The following MYO5A variants were observed in gnomAD, a reference collection of about 807,000 sequenced individuals.
MYO5A encodes the protein myosin VA.
A neutral mutation model predicts 249.7 loss-of-function variants in MYO5A; 98 were observed. That is an observed-to-expected ratio of 0.39 (90% confidence interval 0.33 to 0.46). MYO5A has a LOEUF of 0.46. Among genes scored for constraint, MYO5A ranks in the 20% least tolerant of loss-of-function variants. The pLI, the probability that MYO5A is intolerant of heterozygous loss-of-function variation, is 0.98. For synonymous variants in MYO5A, 778 were observed against 810.6 expected, an observed-to-expected ratio of 0.96 and a Z score of 0.68; for missense variants, 1,696 against 2,308.8, an observed-to-expected ratio of 0.73 and a Z score of 5.44.
chr15:52,340,196 C>T lies in MYO5A; in HGVS notation c.4239G>A (p.Leu1413=). The T allele has an allele frequency of 1.2e-6, 2 of 1,614,118 alleles. No individual in the cohort carries two copies. The highest frequency in any genetic ancestry group is 1.7e-6 in the Non-Finnish European group (2 of 1,180,024). Residue 1413 remains leucine (L), a splice_region_variant and synonymous_variant, in exon 32 of 42, where the codon TTG becomes TTA. Coordinates refer to ENST00000399233, the MANE Select transcript of MYO5A (RefSeq NM_001382347.1). ...HEITRLTNEN[L]YFEELYADDP... The stretch of plus-strand genomic sequence containing the variant: ...ATGTGGACCCGGCAGCTCTCCTTAC[C>T]AAGTTTTCGTTGGTCAGCCGGGTGA...
chr15:52,356,800 C>CTTTTTTTTTT (rs11316458), intron 25 of MYO5A, among the ~76,000 whole-genome samples: 2 of 105,820 alleles, frequency 1.9e-5, no homozygotes, highest in African/African-American at 5.6e-5. Context: ...ATTTCTTTGA[C>CTTTTTTTTTT]TTTTTTTTTT....
At chr15:52,359,189 A>G (rs562524537) in intron 25 of MYO5A, among the ~76,000 whole-genome samples, 9 of 152,368 alleles carry the variant, frequency 5.9e-5, no homozygotes, top group African/African-American at 1.9e-4. Context: ...AAGAAAGGAA[A>G]GAATCACTCA....
chr15:52,316,485 C>T (rs946460103), intron 40 of MYO5A, among the ~76,000 whole-genome samples: 9 of 152,160 alleles, frequency 5.9e-5, no homozygotes, highest in African/African-American at 1.2e-4. Context: ...AGAACCTCTA[C>T]GGTAGAGTCA....
rs115663787 is a variant in MYO5A at position 52,405,213 on chromosome 15, T to C, written c.1053+74A>G. 69 of 1,069,092 alleles carry C rather than the reference T, an allele frequency of 6.5e-5. No individual in the cohort carries two copies. In the African/African-American group the frequency reaches 1.1e-3, roughly 17 times the overall value. The allele number at this position is 1,069,092 out of a possible 1,614,324, so 66.2% of individuals were successfully genotyped here. A position where few individuals can be genotyped will look rare whatever the true frequency, so the allele number is the denominator to read the frequency against. ...TATTGATAGAGAGACTTAAACTATA[T>C]TGCTTCTTTAAACAATCTACAAATC... On this transcript the variant is annotated intron_variant, in intron 9 of 41. Coordinates refer to ENST00000399233, the MANE Select transcript of MYO5A (RefSeq NM_001382347.1).
intron 1 of MYO5A, among the ~76,000 whole-genome samples, chr15:52,452,596 T>TA (rs1182642298): frequency 1.3e-5 from 2 of 152,126 alleles, no homozygotes; most frequent in African/African-American, 4.8e-5. Context: ...GTATATTCCA[T>TA]AATTCCCCTG....
Position 52,389,375 on chromosome 15 carries a change from GA to G in MYO5A, c.1543-13del, listed in dbSNP as rs67583538. On this transcript the variant is annotated splice_polypyrimidine_tract_variant and intron_variant, in intron 12 of 41. Coordinates refer to ENST00000399233, the MANE Select transcript of MYO5A (RefSeq NM_001382347.1). ...GTGCCTTTAGGCATCTATATTCATG[GA>G]AAAAAGGAAGAAAGAAAACAAGGTA... The G allele has an allele frequency of 0.015, 24,276 of 1,606,984 alleles. 1,448 individuals carry two copies. The African/African-American group carries it at 0.17, about 11-fold the overall frequency.
At chr15:52,505,286 C>T in intron 1 of MYO5A, 1 of 776,542 alleles carries the variant, frequency 1.3e-6, no homozygotes, top group Non-Finnish European at 2.4e-6. Context: ...CCATCACAAG[C>T]AGATGTGGCA....
At chr15:52,390,299 G>A (rs574722588) in intron 12 of MYO5A, among the ~76,000 whole-genome samples, 4 of 152,188 alleles carry the variant, frequency 2.6e-5, no homozygotes, top group South Asian at 2.1e-4. Flanking sequence ...AAATGCTTGA[G>A]GGGATGGATA....
At chr15:52,336,701 G>A in intron 33 of MYO5A, 145 bp from the exon 34 acceptor site, 1 of 659,536 alleles carries the variant, frequency 1.5e-6, no homozygotes, top group South Asian at 1.8e-5. Context: ...GGCTAAAATT[G>A]GCAGGCATGG....
At chr15:52,528,911 A>T, upstream of MYO5A, 1 of 1,012,044 alleles carries the variant, frequency 9.9e-7, no homozygotes, top group Non-Finnish European at 1.2e-6. Flanking sequence ...GGCAGGGAGC[A>T]GGGCAGGGCA....
chr15:52,376,326 C>T lies in MYO5A; in HGVS notation c.2420+21G>A, dbSNP rs761787409. Reference sequence around the variant, plus strand: ...GACAGTGAATTAGATGGGCACTCTACTCTGTCCCCAGGAGACCTACCATCG... The same window carrying T: ...GACAGTGAATTAGATGGGCACTCTATTCTGTCCCCAGGAGACCTACCATCG... On this transcript the variant is annotated intron_variant, in intron 19 of 41. Transcript: ENST00000399233. 7 of 1,611,086 alleles carry T rather than the reference C, an allele frequency of 4.3e-6. No individual in the cohort carries two copies. In the East Asian group the frequency reaches 8.9e-5, roughly 21 times the overall value.
At position 52,317,226 on chromosome 15, in the gene MYO5A, T is replaced by TG; in HGVS notation, c.5235-5dup. 6.2e-7 allele frequency: 1 copy of TG among 1,613,114 alleles called. No individual in the cohort carries two copies. Among genetic ancestry groups the TG allele is most frequent in the South Asian group, 1.1e-5 (1 of 91,014 alleles). Reference sequence around the variant, plus strand: ...TTCCAGTTGACTGACATTGTACCTATGAAAAAAAAGAGATACAGAGAATGC... The same window carrying TG: ...TTCCAGTTGACTGACATTGTACCTATGGAAAAAAAAGAGATACAGAGAATGC... On this transcript the variant is annotated splice_region_variant and splice_polypyrimidine_tract_variant and intron_variant, in intron 39 of 41. Coordinates refer to ENST00000399233, the MANE Select transcript of MYO5A (RefSeq NM_001382347.1).
chr15:52,512,088 G>A (rs1002000777), intron 1 of MYO5A, among the ~76,000 whole-genome samples: 5 of 151,680 alleles, frequency 3.3e-5, no homozygotes, highest in Non-Finnish European at 7.4e-5. Flanking sequence ...GCGTGAACCC[G>A]GGAGGTGGAG....
At chr15:52,371,169 A>G (rs1596359063) in intron 21 of MYO5A, among the ~76,000 whole-genome samples, 1 of 151,918 alleles carries the variant, frequency 6.6e-6, no homozygotes, top group East Asian at 1.9e-4. Flanking sequence ...GTTTCTCACA[A>G]ATCTTTATGT....
At chr15:52,372,094 C>T (rs760657801) in intron 21 of MYO5A, 30 bp downstream of exon 21, 3 of 1,613,000 alleles carry the variant, frequency 1.9e-6, no homozygotes, top group South Asian at 2.2e-5. Flanking sequence ...CAGGCATACT[C>T]CACTCTCAGG....
chr15:52,485,021 C>T (rs539540180), intron 1 of MYO5A, among the ~76,000 whole-genome samples: 7 of 152,182 alleles, frequency 4.6e-5, no homozygotes, highest in Admixed American at 2.6e-4. Flanking sequence ...CGCACCCAGC[C>T]TCAATGTTGT....
At chr15:52,375,185 T>A (rs1162698124) in intron 20 of MYO5A, 119 bp downstream of exon 20, 2 of 994,500 alleles carry the variant, frequency 2.0e-6, no homozygotes, top group Non-Finnish European at 1.5e-6. Flanking sequence ...TGCATTTCAA[T>A]AGCTGGTTGT....
At chr15:52,347,061 T>G (rs1482353170) in intron 29 of MYO5A, among the ~76,000 whole-genome samples, 1 of 152,092 alleles carries the variant, frequency 6.6e-6, no homozygotes, top group Non-Finnish European at 1.5e-5. Context: ...GTACTTAAGC[T>G]TTTGAAATAA....
chr15:52,464,876 C>T (rs2076322411), intron 1 of MYO5A, among the ~76,000 whole-genome samples: 1 of 152,168 alleles, frequency 6.6e-6, no homozygotes, highest in Admixed American at 6.5e-5. Flanking sequence ...TAGTCGTTTT[C>T]CTAGTTATGT....
Sources: allele counts gnomAD v4.1 joint callset (sites outside exome capture counted in the v4.1 genomes callset), GRCh38; gene constraint gnomAD v4.1.1; transcripts MANE v1.5; gene names NCBI Gene and HGNC (gene_info 2026-07-23, HGNC 2026-07-21).